The following DST variants were observed in gnomAD, a reference collection of about 807,000 sequenced individuals.
The protein encoded by DST is dystonin.
In DST, 253 loss-of-function variants were observed where a neutral mutation model predicts 875.2. That is an observed-to-expected ratio of 0.29 (90% CI 0.26 to 0.32). The LOEUF is 0.32. Among genes scored for constraint, DST ranks in the 10% least tolerant of loss-of-function variants. DST has a pLI of 1.00. For missense variants in DST, 8,287 were observed against 9,111.6 expected (o/e 0.91, Z 3.68); for synonymous variants, 3,124 against 3,197.1 (o/e 0.98, Z 0.77).
At chr6:56,779,757 G>T in intron 4 of DST, among the ~76,000 whole-genome samples, 1 of 150,312 alleles carries the variant, frequency 6.7e-6, no homozygotes, top group Admixed American at 6.6e-5. Flanking sequence ...TAAGTTTTAG[G>T]GTACATGTGC....
chr6:56,717,860 G>C (rs1323271153), intron 5 of DST, among the ~76,000 whole-genome samples: 2 of 125,148 alleles, frequency 1.6e-5, no homozygotes, highest in East Asian at 3.9e-4. Flanking sequence ...GGAGAAGACT[G>C]ATTTGAGTAA....
chr6:56,640,681 T>C lies in DST; in HGVS notation c.2028-76A>G, dbSNP rs1057105712. The C allele has an allele frequency of 4.4e-6, 5 of 1,148,986 alleles. No homozygotes were observed. In the African/African-American group the frequency reaches 7.6e-5, roughly 17 times the overall value. The allele number at this position is 1,148,986 out of a possible 1,614,324, so 71.2% of individuals were successfully genotyped here. On this transcript the variant is annotated intron_variant, in intron 17 of 103. Transcript: ENST00000680361. ...AAAGAGTGAACTCTAATGTTAATTA[T>C]AGGTTTTAGTTAATAATGATGTATC... is the stretch of plus-strand genomic sequence containing the variant.
intron 45 of DST, among the ~76,000 whole-genome samples, chr6:56,599,088 G>A (rs1410954025): frequency 6.6e-6 from 1 of 151,938 alleles, no homozygotes; most frequent in African/African-American, 2.4e-5. Flanking sequence ...ATTTTTTAAT[G>A]TGTTTATCAC....
chr6:56,501,755 A>C, intron 78 of DST, 62 bp from the exon 79 acceptor site: 1 of 1,240,160 alleles, frequency 8.1e-7, no homozygotes, highest in Non-Finnish European at 1.1e-6. Context: ...AAACAAAGAA[A>C]TCTATTGGTT....
intron 4 of DST, among the ~76,000 whole-genome samples, chr6:56,833,607 TACAACA>T (rs1304085377): frequency 1.3e-5 from 2 of 152,098 alleles, no homozygotes; most frequent in Non-Finnish European, 2.9e-5. Flanking sequence ...GAATTGCAGC[TACAACA>T]GCATATTAGA....
At position 56,615,588 on chromosome 6, in the gene DST, T is replaced by C; in HGVS notation, c.4930-1104A>G. 17 of 1,614,154 alleles carry C rather than the reference T, an allele frequency of 1.1e-5. No individual in the cohort carries two copies. Among genetic ancestry groups the C allele is most frequent in the African/African-American group, 1.3e-5 (1 of 75,058 alleles). ...GATACTTCTAACAGTTTAAGTCCTG[T>C]GTGGAAATCAAAATCAGCTTTTTCT... On this transcript the variant is annotated intron_variant, in intron 36 of 103. Transcript: ENST00000680361.
At chr6:56,461,599 G>A (rs1486670767) in intron 102 of DST, 1 of 152,108 alleles carries the variant, frequency 6.6e-6, no homozygotes, top group African/African-American at 2.4e-5. Flanking sequence ...GAAACATGTT[G>A]TTTTTTGGTT....
chr6:56,623,999 AC>A (rs1422398467), intron 36 of DST, among the ~76,000 whole-genome samples: 33 of 152,114 alleles, frequency 2.2e-4, no homozygotes, highest in African/African-American at 7.5e-4. Context: ...AAAAAAAACA[AC>A]AAAAAACTCC....
intron 91 of DST, among the ~76,000 whole-genome samples, chr6:56,476,747 T>C (rs1179593515): frequency 6.6e-6 from 1 of 151,644 alleles, no homozygotes; most frequent in Non-Finnish European, 1.5e-5. Context: ...ACGAGGTCAG[T>C]TCAAGATCAG....
At chr6:56,758,120 G>C (rs1261418058) in intron 4 of DST, among the ~76,000 whole-genome samples, 1 of 152,158 alleles carries the variant, frequency 6.6e-6, no homozygotes, top group Non-Finnish European at 1.5e-5. Flanking sequence ...CCATATCCTT[G>C]TATCCTTCTT....
chr6:56,930,604 T>C (rs1809678729), intron 2 of DST, among the ~76,000 whole-genome samples: 1 of 152,220 alleles, frequency 6.6e-6, no homozygotes, highest in African/African-American at 2.4e-5. Context: ...CGGGCTTTAA[T>C]TCAGAGAGTA....
At chr6:56,673,311 T>C (rs1208918120) in intron 9 of DST, among the ~76,000 whole-genome samples, 1 of 152,122 alleles carries the variant, frequency 6.6e-6, no homozygotes, top group Non-Finnish European at 1.5e-5. Context: ...TTGAGCCTCT[T>C]GGTCTCTATA....
intron 4 of DST, among the ~76,000 whole-genome samples, chr6:56,776,836 G>A (rs956596149): frequency 1.3e-5 from 2 of 152,050 alleles, no homozygotes; most frequent in African/African-American, 4.8e-5. Flanking sequence ...CACATCCAGA[G>A]ATTTTATTTT....
At chr6:56,780,654 AATTTTCTCCC>A (rs1240014480) in intron 4 of DST, among the ~76,000 whole-genome samples, 2 of 151,602 alleles carry the variant, frequency 1.3e-5, no homozygotes, top group African/African-American at 4.9e-5. Flanking sequence ...AGGTTGCAAA[AATTTTCTCCC>A]ATTTTGTAGG....
chr6:56,826,513 C>T (rs2099780642), intron 4 of DST, among the ~76,000 whole-genome samples: 2 of 152,270 alleles, frequency 1.3e-5, no homozygotes, highest in Admixed American at 6.5e-5. Context: ...GCTAACCACT[C>T]TTAAGTTTGG....
chr6:56,814,958 C>T (rs1397257070), intron 4 of DST, among the ~76,000 whole-genome samples: 1 of 151,992 alleles, frequency 6.6e-6, no homozygotes, highest in Non-Finnish European at 1.5e-5. Context: ...AGAGACAGCA[C>T]AGTGTAGGTG....
chr6:56,481,811 G>A (rs2095410755), intron 90 of DST, among the ~76,000 whole-genome samples: 1 of 152,176 alleles, frequency 6.6e-6, no homozygotes, highest in Non-Finnish European at 1.5e-5. Flanking sequence ...ATAGGAAACA[G>A]AGTAACTACC....
intron 13 of DST, among the ~76,000 whole-genome samples, chr6:56,647,314 T>C (rs1005226311): frequency 6.6e-6 from 1 of 152,174 alleles, no homozygotes; most frequent in Non-Finnish European, 1.5e-5. Context: ...TACATGTCCA[T>C]GTAGGGAAAC....
intron 5 of DST, among the ~76,000 whole-genome samples, chr6:56,716,358 A>G (rs36068365): frequency 0.23 from 35,649 of 152,110 alleles, 5,397 homozygotes; most frequent in African/African-American, 0.42. Context: ...TCCTTACGCA[A>G]AATCATTTGC....
Sources: gnomAD v4.1 joint callset for allele counts (sites outside exome capture counted in the v4.1 genomes callset) on GRCh38, gnomAD v4.1.1 for gene constraint, MANE v1.5 for transcripts, NCBI Gene and HGNC (gene_info 2026-07-23, HGNC 2026-07-21) for gene names.